The following ENAH variants were observed in gnomAD, a reference collection of about 807,000 sequenced individuals.
The protein encoded by ENAH is protein enabled homolog.
A neutral mutation model predicts 78.7 loss-of-function variants in ENAH; 23 were observed. That is an observed-to-expected ratio of 0.29 (90% CI 0.21 to 0.41). The LOEUF (loss-of-function observed/expected upper bound fraction) is 0.41. Among genes scored for constraint, ENAH ranks in the 10% least tolerant of loss-of-function variants. The probability of loss-of-function intolerance (pLI) is 1.00; values close to 1 mark genes in which losing one functional copy is unlikely to be tolerated. For synonymous variants in ENAH, 226 were observed against 241.0 expected (o/e 0.94, Z 0.58); for missense variants, 544 against 691.0 (o/e 0.79, Z 2.39).
intron 1 of ENAH, among the ~76,000 whole-genome samples, chr1:225,591,424 C>A (rs900562293): frequency 6.7e-6 from 1 of 150,356 alleles, no homozygotes. Flanking sequence ...GCCGAGACTG[C>A]GCCATTGCAC....
At chr1:225,530,423 C>T in intron 4 of ENAH, 131 bp downstream of exon 4, 1 of 665,702 alleles carries the variant, frequency 1.5e-6, no homozygotes, top group South Asian at 2.2e-5. Context: ...AGTCACAAAA[C>T]TTACTAATGT....
At chr1:225,586,445 T>C (rs1031335978) in intron 1 of ENAH, among the ~76,000 whole-genome samples, 5 of 151,958 alleles carry the variant, frequency 3.3e-5, no homozygotes, top group African/African-American at 1.2e-4. Context: ...TGATATTATA[T>C]AAACTCTCAA....
chr1:225,516,613 CT>C (rs1426617155), intron 6 of ENAH, among the ~76,000 whole-genome samples: 1 of 152,162 alleles, frequency 6.6e-6, no homozygotes, highest in Non-Finnish European at 1.5e-5. Context: ...GGTGCTCACA[CT>C]TGTAATCCTA....
At position 225,497,752 on chromosome 1, in the gene ENAH, C is replaced by A. The variant is rs184878811; in HGVS notation, c.*23G>T. 2.9e-5 allele frequency: 47 copies of A among 1,606,914 alleles called. No homozygotes were observed. The East Asian group carries it at 1.0e-3, about 36-fold the overall frequency. ...GATATTTTTCCTCCAGATTAAAGTC[C>A]TATCTCTCCTTAGTCTGTTCCTCTA... On this transcript the variant is annotated 3_prime_UTR_variant, in exon 14 of 14. Coordinates refer to ENST00000366843, the MANE Select transcript of ENAH (RefSeq NM_018212.6).
chr1:225,559,209 A>G (rs543853805), intron 2 of ENAH, among the ~76,000 whole-genome samples: 3 of 152,320 alleles, frequency 2.0e-5, no homozygotes, highest in African/African-American at 7.2e-5. Flanking sequence ...TGGACTATTC[A>G]GAAAGGTATT....
chr1:225,616,502 C>A (rs796450739), intron 1 of ENAH, among the ~76,000 whole-genome samples: 20 of 152,074 alleles, frequency 1.3e-4, no homozygotes, highest in African/African-American at 4.8e-4. Flanking sequence ...TAAAAAGGAA[C>A]CTAACTACAA....
chr1:225,552,435 GCC>G (rs2096645982), intron 3 of ENAH, among the ~76,000 whole-genome samples: 1 of 152,098 alleles, frequency 6.6e-6, no homozygotes, highest in Admixed American at 6.5e-5. Context: ...ACCGTGCCCG[GCC>G]CTGATTCTTA....
chr1:225,613,442 T>A (rs913937507), intron 1 of ENAH, among the ~76,000 whole-genome samples: 1 of 152,238 alleles, frequency 6.6e-6, no homozygotes, highest in Non-Finnish European at 1.5e-5. Context: ...GTGGTAATAA[T>A]AAATATTTGT....
intron 2 of ENAH, among the ~76,000 whole-genome samples, chr1:225,562,388 T>C (rs1055329860): frequency 3.3e-5 from 5 of 151,222 alleles, no homozygotes. Flanking sequence ...CTGGCTAACA[T>C]GGTGAAACCC....
At chr1:225,622,995 C>A (rs554740605) in intron 1 of ENAH, among the ~76,000 whole-genome samples, 1 of 152,266 alleles carries the variant, frequency 6.6e-6, no homozygotes, top group Non-Finnish European at 1.5e-5. Context: ...GCCCAGTTTA[C>A]AGAACCTTCT....
intron 11 of ENAH, 62 bp from the exon 12 acceptor site, chr1:225,501,132 A>G: frequency 1.6e-6 from 2 of 1,281,434 alleles, no homozygotes; most frequent in Non-Finnish European, 2.2e-6. Flanking sequence ...GAGTTCATAA[A>G]TAATTGCAAA....
Position 225,497,778 on chromosome 1 carries a change from T to C in ENAH, c.1710A>G (p.Ala570=), listed in dbSNP as rs750907710. ...TATCTCTCCTTAGTCTGTTCCTCTA[T>C]GCAGTATTTGACTTGCTCAGTTCCT... ...IRQELSKSNT[A] is the part of the protein sequence containing the mutation. Residue 570 remains alanine, a synonymous_variant, in exon 14 of 14, where the codon GCA becomes GCG. Coordinates refer to ENST00000366843, the MANE Select transcript of ENAH (RefSeq NM_018212.6). 2.5e-6 allele frequency: 4 copies of C among 1,612,402 alleles called. No individual in the cohort carries two copies. The highest frequency in any genetic ancestry group is 2.5e-6 in the Non-Finnish European group (3 of 1,179,116).
At chr1:225,583,453 A>C (rs1265884610) in intron 1 of ENAH, among the ~76,000 whole-genome samples, 1 of 127,908 alleles carries the variant, frequency 7.8e-6, no homozygotes. Context: ...AAAAAAAAAA[A>C]GAGAGAGAGA....
intron 1 of ENAH, among the ~76,000 whole-genome samples, chr1:225,619,974 C>T (rs1242661462): frequency 2.0e-5 from 3 of 152,080 alleles, no homozygotes; most frequent in African/African-American, 7.2e-5. Context: ...CTGTGACTTC[C>T]AAAAACAGTA....
chr1:225,523,539 A>C (rs575199875), intron 4 of ENAH, among the ~76,000 whole-genome samples: 10 of 152,138 alleles, frequency 6.6e-5, no homozygotes, highest in Non-Finnish European at 1.2e-4. Context: ...ATATAGCTGC[A>C]GGAGATTCTT....
At chr1:225,513,097 G>A in intron 7 of ENAH, 81 bp from the exon 8 acceptor site, 3 of 1,218,260 alleles carry the variant, frequency 2.5e-6, no homozygotes, top group Non-Finnish European at 3.3e-6. Flanking sequence ...TAAAACAGAA[G>A]GAAACATCAG....
intron 1 of ENAH, among the ~76,000 whole-genome samples, chr1:225,630,099 CAT>C (rs1028825333): frequency 2.0e-4 from 30 of 152,006 alleles, no homozygotes; most frequent in African/African-American, 6.8e-4. Context: ...TATAAAATAA[CAT>C]AAACTGCATC....
chr1:225,564,981 T>C (rs1453295839), intron 2 of ENAH, among the ~76,000 whole-genome samples: 3 of 152,104 alleles, frequency 2.0e-5, no homozygotes, highest in African/African-American at 4.8e-5. Flanking sequence ...TATTTTTTAA[T>C]ATACATAATA....
At chr1:225,595,718 T>C (rs1476289061) in intron 1 of ENAH, among the ~76,000 whole-genome samples, 2 of 152,210 alleles carry the variant, frequency 1.3e-5, no homozygotes, top group Non-Finnish European at 2.9e-5. Flanking sequence ...GTGTAATCTT[T>C]ATAGTATAGC....
Sources: allele counts gnomAD v4.1 joint callset (sites outside exome capture counted in the v4.1 genomes callset), GRCh38; gene constraint gnomAD v4.1.1; transcripts MANE v1.5; gene names NCBI Gene and HGNC (gene_info 2026-07-23, HGNC 2026-07-21).